Variants in KIRREL3 observed in about 807,000 individuals in gnomAD.
KIRREL3 encodes the protein kin of IRRE-like protein 3.
A neutral mutation model predicts 89.7 loss-of-function variants in KIRREL3; 36 were observed. The ratio of observed to expected loss-of-function variants is 0.40; its 90% CI spans 0.31 to 0.53. KIRREL3 has a LOEUF of 0.53. Ranked by LOEUF, KIRREL3 falls within the 20% of genes least tolerant of loss-of-function variation. The pLI, the probability that KIRREL3 is intolerant of heterozygous loss-of-function variation, is 0.49. For synonymous variants in KIRREL3, 445 were observed against 441.4 expected (o/e 1.01, Z -0.10); for missense variants, 864 against 1,056.6 (o/e 0.82, Z 2.53).
In KIRREL3 at chr11:126,924,115, A is replaced by G. The variant is rs933685062; in HGVS notation, c.55+76340T>C. Reference sequence around the variant, plus strand: ...CAGTACTCGTCATAGCGCCTTGTAGACACTTGATAAGCAGTGGTCTTATGG... The same window carrying G: ...CAGTACTCGTCATAGCGCCTTGTAGGCACTTGATAAGCAGTGGTCTTATGG... On this transcript the variant is annotated intron_variant, in intron 1 of 16. Coordinates refer to ENST00000525144, the MANE Select transcript of KIRREL3 (RefSeq NM_032531.4). This position sits in a 1 kb window ranked among gnomAD's most constrained non-coding sequence, Gnocchi z 4.7. 6.6e-6 allele frequency among the ~76,000 whole-genome samples: 1 copy of G among 152,176 alleles called. No individual in the cohort carries two copies. The highest frequency in any genetic ancestry group is 2.4e-5 in the African/African-American group (1 of 41,444).
rs537867377 is a variant in KIRREL3 at position 126,443,059 on chromosome 11, C to A, written c.1252+1920G>T. Among the ~76,000 whole-genome samples the A allele has an allele frequency of 2.0e-5, 3 of 152,332 alleles. No homozygotes were observed. The East Asian group carries it at 5.8e-4, about 29-fold the overall frequency. On this transcript the variant is annotated intron_variant, in intron 10 of 16. Transcript: ENST00000525144. This position sits in a 1 kb window ranked among gnomAD's most constrained non-coding sequence, Gnocchi z 7.3. ...AGGGGGCATTCTCTCCTCAAGAAAT[C>A]TCTTTAAATCTCCCTTGGAAATGTC...
Position 126,569,471 on chromosome 11 carries a change from A to G in KIRREL3, c.56-6559T>C, listed in dbSNP as rs1940764448. On this transcript the variant is annotated intron_variant, in intron 1 of 16. Coordinates refer to ENST00000525144, the MANE Select transcript of KIRREL3 (RefSeq NM_032531.4). This position sits in a 1 kb window ranked among gnomAD's most constrained non-coding sequence, Gnocchi z 6.5. ...ATGTGACTGGTGTAAAGTCCAAGGC[A>G]CAGACACTCGCAAAGAGGCCACTAA... 1.3e-5 allele frequency among the ~76,000 whole-genome samples: 2 copies of G among 152,248 alleles called. No individual in the cohort carries two copies. Among genetic ancestry groups the G allele is most frequent in the Non-Finnish European group, 2.9e-5 (2 of 68,044 alleles).
chr11:126,749,867 G>A (rs1814072383), intron 1 of KIRREL3, among the ~76,000 whole-genome samples: 2 of 152,174 alleles, frequency 1.3e-5, no homozygotes, highest in Non-Finnish European at 2.9e-5. Context: ...GAAGACCCTA[G>A]AGATTGTTGT....
intron 1 of KIRREL3, among the ~76,000 whole-genome samples, chr11:126,746,375 C>T (rs528158861): frequency 4.6e-5 from 7 of 152,148 alleles, no homozygotes; most frequent in South Asian, 2.1e-4. Flanking sequence ...GGGGTAATTC[C>T]GCTTGGGACT....
intron 2 of KIRREL3, among the ~76,000 whole-genome samples, chr11:126,554,319 T>C (rs1047868654): frequency 8.5e-5 from 13 of 152,124 alleles, no homozygotes; most frequent in Admixed American, 1.3e-4. Flanking sequence ...TAGTCCGAAG[T>C]CCTAGCAGTT....
At chr11:126,479,631 G>A (rs1957168381) in intron 4 of KIRREL3, among the ~76,000 whole-genome samples, 1 of 152,174 alleles carries the variant, frequency 6.6e-6, no homozygotes, top group African/African-American at 2.4e-5. Context: ...ATGACAAACT[G>A]ACAAGTGCTA....
Position 126,805,924 on chromosome 11 carries a change from G to A in KIRREL3, c.55+194531C>T, listed in dbSNP as rs756128597. 1.1e-4 allele frequency among the ~76,000 whole-genome samples: 17 copies of A among 152,054 alleles called. No homozygotes were observed. The highest frequency in any genetic ancestry group is 3.6e-4 in the African/African-American group (15 of 41,418). The stretch of plus-strand genomic sequence containing the variant: ...GCCATCCCCTCCACCTTCTCCGTGC[G>A]GCCTCTCCCTTGGCTGTCCTCTGAA... On this transcript the variant is annotated intron_variant, in intron 1 of 16. Transcript: ENST00000525144. This position sits in a 1 kb window ranked among gnomAD's most constrained non-coding sequence, Gnocchi z 4.3.
intron 1 of KIRREL3, among the ~76,000 whole-genome samples, chr11:126,963,910 C>T (rs1278502357): frequency 1.3e-5 from 2 of 152,168 alleles, no homozygotes; most frequent in Non-Finnish European, 2.9e-5. Context: ...TGCACATGTC[C>T]CATTTCCCCA....
Position 126,452,498 on chromosome 11 carries a change from G to C in KIRREL3, c.849-3341C>G, listed in dbSNP as rs185120627. 1.6e-4 allele frequency among the ~76,000 whole-genome samples: 25 copies of C among 152,348 alleles called. No individual in the cohort carries two copies. In the East Asian group the frequency reaches 4.1e-3, roughly 25 times the overall value. On this transcript the variant is annotated intron_variant, in intron 7 of 16. Coordinates refer to ENST00000525144, the MANE Select transcript of KIRREL3 (RefSeq NM_032531.4). ...GGAGCCCTGGCTGCTCACAGCTGTG[G>C]GTGCCGGGCTGGGGCTGGAGGGTTT...
chr11:126,679,333 T>G (rs1591945504), intron 1 of KIRREL3, among the ~76,000 whole-genome samples: 1 of 152,240 alleles, frequency 6.6e-6, no homozygotes, highest in South Asian at 2.1e-4. Context: ...AGAAGGGCAT[T>G]ATGTTCCTTG....
chr11:126,680,221 G>A (rs1311613869), intron 1 of KIRREL3, among the ~76,000 whole-genome samples: 2 of 152,082 alleles, frequency 1.3e-5, no homozygotes, highest in East Asian at 1.9e-4. Context: ...ACCAGTGAGG[G>A]CAACAGAAAA....
In KIRREL3 at chr11:126,587,552, A is replaced by G. The variant is rs1437151442; in HGVS notation, c.56-24640T>C. Among the ~76,000 whole-genome samples, 2 of 152,180 alleles carry G rather than the reference A, an allele frequency of 1.3e-5. No homozygotes were observed. The highest frequency in any genetic ancestry group is 2.9e-5 in the Non-Finnish European group (2 of 68,034). ...CTCGACTCCCCCAGCCTTTCATTGT[A>G]TGTGGAAGAGGAGCCAGAAATGCAC... On this transcript the variant is annotated intron_variant, in intron 1 of 16. Transcript: ENST00000525144. The surrounding 1 kb of genome is among the most constrained non-coding windows in gnomAD (Gnocchi z 5.2).
intron 1 of KIRREL3, among the ~76,000 whole-genome samples, chr11:126,745,467 C>CAAACAAAT (rs1351142641): frequency 1.2e-4 from 13 of 105,628 alleles, no homozygotes; most frequent in African/African-American, 5.2e-4. Context: ...GGAAAACAAA[C>CAAACAAAT]AAACAAACAA....
At chr11:126,725,770 G>T (rs1029642818) in intron 1 of KIRREL3, among the ~76,000 whole-genome samples, 2 of 152,174 alleles carry the variant, frequency 1.3e-5, no homozygotes, top group Non-Finnish European at 2.9e-5. Context: ...CTGCACAAAG[G>T]CAGGGCCAGG....
At chr11:126,815,209 C>T (rs1400891318) in intron 1 of KIRREL3, among the ~76,000 whole-genome samples, 1 of 152,204 alleles carries the variant, frequency 6.6e-6, no homozygotes, top group African/African-American at 2.4e-5. Context: ...ATTTCCATAA[C>T]AACCTTTAGC....
intron 1 of KIRREL3, among the ~76,000 whole-genome samples, chr11:126,649,633 T>C (rs1396087735): frequency 6.6e-6 from 1 of 152,138 alleles, no homozygotes; most frequent in African/African-American, 2.4e-5. Context: ...AAGAGGTGGG[T>C]TCCCATGGTC....
rs67640196 is a variant in KIRREL3 at position 126,768,170 on chromosome 11, AATCCATCCATCC to A, written c.56-205270_56-205259del. ...CATCCATCCATCCATCCATCCATCC[AATCCATCCATCC>A]ATCCATCCATCCATCCATCCATCCA... On this transcript the variant is annotated intron_variant, in intron 1 of 16. Transcript: ENST00000525144. The surrounding 1 kb of genome is among the most constrained non-coding windows in gnomAD (Gnocchi z 4.5). Among the ~76,000 whole-genome samples the A allele has an allele frequency of 1.9e-3, 153 of 79,978 alleles. No homozygotes were observed. Among genetic ancestry groups the A allele is most frequent in the African/African-American group, 5.7e-3 (144 of 25,390 alleles). The allele number at this position is 79,978 out of a possible 152,430, so 52.5% of individuals were successfully genotyped here.
At chr11:126,695,608 T>C (rs754181904) in intron 1 of KIRREL3, among the ~76,000 whole-genome samples, 4 of 152,072 alleles carry the variant, frequency 2.6e-5, no homozygotes, top group Non-Finnish European at 5.9e-5. Flanking sequence ...GTGAGTCAGC[T>C]GCATTGACTC....
rs1007813999 is a variant in KIRREL3 at position 126,981,555 on chromosome 11, C to T, written c.55+18900G>A. On this transcript the variant is annotated intron_variant, in intron 1 of 16. Coordinates refer to ENST00000525144, the MANE Select transcript of KIRREL3 (RefSeq NM_032531.4). This position sits in a 1 kb window ranked among gnomAD's most constrained non-coding sequence, Gnocchi z 4.2. ...TGAAATGAGATCTGCCTCTACCACC[C>T]GACTCTATGAAGCAAAGGCAAGGAG... Among the ~76,000 whole-genome samples the T allele has an allele frequency of 1.3e-5, 2 of 152,190 alleles. No individual in the cohort carries two copies. Among genetic ancestry groups the T allele is most frequent in the South Asian group, 2.1e-4 (1 of 4,830 alleles).
Sources: gnomAD v4.1 joint callset for allele counts (sites outside exome capture counted in the v4.1 genomes callset) on GRCh38, gnomAD v4.1.1 for gene constraint, Gnocchi (gnomAD v3.1) non-coding constraint, MANE v1.5 for transcripts, NCBI Gene and HGNC (gene_info 2026-07-23, HGNC 2026-07-21) for gene names.